The following NEIL2 variants were observed in gnomAD, a reference collection of about 807,000 sequenced individuals.
NEIL2 encodes the protein endonuclease 8-like 2.
NEIL2 carries 23 observed loss-of-function variants against 22.2 expected under a neutral mutation model. The ratio of observed to expected loss-of-function variants is 1.04; its 90% CI spans 0.75 to 1.47. The LOEUF (loss-of-function observed/expected upper bound fraction) is 1.47, where lower values mean the gene tolerates loss of function less well. NEIL2 is among the 40% of genes most tolerant of loss of function. The pLI is 0.00. For synonymous variants in NEIL2, 229 were observed against 164.8 expected, an observed-to-expected ratio of 1.39 and a Z score of -2.99; for missense variants, 583 against 404.7, an observed-to-expected ratio of 1.44 and a Z score of -3.78.
Position 11,779,921 on chromosome 8 carries a change from G to C in NEIL2, c.462G>C (p.Lys154Asn), listed in dbSNP as rs548048744. The C allele has an allele frequency of 6.5e-5, 105 of 1,614,038 alleles. No homozygotes were observed. In the South Asian group the frequency reaches 1.2e-3, roughly 18 times the overall value. The change falls in exon 3 of 5, where the codon AAG becomes AAC. Residue 154 changes from lysine to asparagine, a missense_variant. Coordinates refer to ENST00000284503, the MANE Select transcript of NEIL2 (RefSeq NM_145043.4). ...TCTCCAGAGCCAAGAAAGCCAACAA[G>C]AGGGGGGACTGGAGGGACCCTTCCC... ...NDFSRAKKAN[K>N]RGDWRDPSPR...
intron 3 of NEIL2, chr8:11,782,975 T>C (rs577504135): frequency 1.6e-6 from 1 of 608,748 alleles, no homozygotes; most frequent in Non-Finnish European, 3.1e-6. Flanking sequence ...GTGGTAATGA[T>C]GTGGGGATGT....
chr8:11,770,699 C>T (rs1267401983), intron 1 of NEIL2, among the ~76,000 whole-genome samples: 1 of 152,116 alleles, frequency 6.6e-6, no homozygotes, highest in East Asian at 1.9e-4. Context: ...CTCCTCTGCC[C>T]GAACAGCCCG....
chr8:11,774,837 C>T (rs1803770784), intron 2 of NEIL2, among the ~76,000 whole-genome samples: 1 of 152,232 alleles, frequency 6.6e-6, no homozygotes, highest in Non-Finnish European at 1.5e-5. Flanking sequence ...CTTAAAGCTC[C>T]AAAATGATCT....
chr8:11,786,486 C>T lies in NEIL2; in HGVS notation c.*213C>T. 2 of 600,852 alleles carry T rather than the reference C, an allele frequency of 3.3e-6. No individual in the cohort carries two copies. Among genetic ancestry groups the T allele is most frequent in the South Asian group, 3.9e-5 (2 of 50,702 alleles). The allele number at this position is 600,852 out of a possible 1,614,324, so 37.2% of individuals were successfully genotyped here. ...CCTTTTCTAGTTCAGTTAATTCATCCTGTTGAATTGCACCATCGTGAAAGA... is the reference window on the plus strand; with the variant it reads ...CCTTTTCTAGTTCAGTTAATTCATCTTGTTGAATTGCACCATCGTGAAAGA... On this transcript the variant is annotated 3_prime_UTR_variant, in exon 5 of 5. Transcript: ENST00000284503.
intron 2 of NEIL2, among the ~76,000 whole-genome samples, chr8:11,772,269 C>T (rs890981894): frequency 3.3e-5 from 5 of 152,170 alleles, no homozygotes; most frequent in Non-Finnish European, 7.3e-5. Flanking sequence ...CTTCCAGGGG[C>T]TCACGGAGCT....
chr8:11,785,750 C>T (rs1305538056), intron 4 of NEIL2, among the ~76,000 whole-genome samples: 1 of 152,166 alleles, frequency 6.6e-6, no homozygotes, highest in Non-Finnish European at 1.5e-5. Flanking sequence ...CATGACGGGC[C>T]ATGCATGAGT....
chr8:11,785,877 T>G, intron 4 of NEIL2, 86 bp from the exon 5 acceptor site: 1 of 1,246,788 alleles, frequency 8.0e-7, no homozygotes, highest in Non-Finnish European at 1.2e-6. Flanking sequence ...ATGGAAGAGC[T>G]GATTTCTGCC....
chr8:11,771,564 T>C lies in NEIL2; in HGVS notation c.117T>C (p.Ser39=). 1 of 1,614,058 alleles carries C rather than the reference T, an allele frequency of 6.2e-7. No individual in the cohort carries two copies. The highest frequency in any genetic ancestry group is 8.5e-7 in the Non-Finnish European group (1 of 1,179,986). Residue 39 remains serine, a synonymous_variant, in exon 2 of 5, where the codon TCT becomes TCC. Transcript: ENST00000284503. ...SKKLQPASLQ[S]LWLQDTQVHG... is the part of the protein sequence containing the mutation. Reference sequence around the variant, plus strand: ...AGCTACAGCCCGCCAGCCTGCAGTCTCTGTGGCTCCAGGACACCCAGGTGA... The same window carrying C: ...AGCTACAGCCCGCCAGCCTGCAGTCCCTGTGGCTCCAGGACACCCAGGTGA...
intron 1 of NEIL2, among the ~76,000 whole-genome samples, chr8:11,770,863 C>G: frequency 6.6e-6 from 1 of 152,144 alleles, no homozygotes; most frequent in East Asian, 1.9e-4. Flanking sequence ...CTGTCTGTAG[C>G]TATGCCGGGC....
chr8:11,779,500 G>T, intron 2 of NEIL2, 98 bp from the exon 3 acceptor site: 1 of 990,122 alleles, frequency 1.0e-6, no homozygotes, highest in Non-Finnish European at 1.6e-6. Context: ...CCCCCAGGAG[G>T]GGTGAGAAGG....
chr8:11,785,816 G>A, intron 4 of NEIL2, 147 bp from the exon 5 acceptor site: 2 of 775,710 alleles, frequency 2.6e-6, no homozygotes, highest in East Asian at 2.4e-5. Flanking sequence ...CCATTTTACA[G>A]ACAGAGAAAT....
intron 2 of NEIL2, 108 bp downstream of exon 2, chr8:11,771,693 C>T: frequency 8.8e-7 from 1 of 1,134,498 alleles, no homozygotes; most frequent in Middle Eastern, 2.1e-4. Flanking sequence ...CCGGAACCAC[C>T]AAGCTCGGAC....
Position 11,769,926 on chromosome 8 carries a change from C to G in NEIL2, c.-412C>G, listed in dbSNP as rs903927228. The stretch of plus-strand genomic sequence containing the variant: ...GAGGTGCTGCCCACGCCTGGAGGCC[C>G]CCACTGACCCTCAGACCCGCGTCTG... On this transcript the variant is annotated 5_prime_UTR_variant, in exon 1 of 5. Coordinates refer to ENST00000284503, the MANE Select transcript of NEIL2 (RefSeq NM_145043.4). 1 of 152,380 alleles carries G rather than the reference C, an allele frequency of 6.6e-6. No individual in the cohort carries two copies. Among genetic ancestry groups the G allele is most frequent in the Non-Finnish European group, 1.5e-5 (1 of 68,196 alleles). The allele number at this position is 152,380 out of a possible 1,614,324, so 9.4% of individuals were successfully genotyped here.
intron 2 of NEIL2, among the ~76,000 whole-genome samples, chr8:11,775,951 C>A (rs1353653528): frequency 6.6e-6 from 1 of 152,234 alleles, no homozygotes; most frequent in Non-Finnish European, 1.5e-5. Context: ...TCTGAGCCCT[C>A]CAGACTGTTT....
rs576739654 is a variant in NEIL2 at position 11,786,798 on chromosome 8, C to T, written c.*525C>T. 4 of 164,090 alleles carry T rather than the reference C, an allele frequency of 2.4e-5. No individual in the cohort carries two copies. The highest frequency in any genetic ancestry group is 1.6e-4 in the South Asian group (1 of 6,306). The allele number at this position is 164,090 out of a possible 1,614,324, so 10.2% of individuals were successfully genotyped here. A position where few individuals can be genotyped will look rare whatever the true frequency, so the allele number is the denominator to read the frequency against. ...GACTACAGGCATGTGATATGATGCT[C>T]GGCTGATTTTTGTTTACTTTTTAGA... On this transcript the variant is annotated 3_prime_UTR_variant, in exon 5 of 5. Transcript: ENST00000284503.
intron 3 of NEIL2, among the ~76,000 whole-genome samples, chr8:11,780,308 T>G (rs1804296224): frequency 6.6e-6 from 1 of 152,220 alleles, no homozygotes; most frequent in African/African-American, 2.4e-5. Context: ...GTATATTGTT[T>G]GTGTGTTTAT....
chr8:11,779,825 C>A lies in NEIL2; in HGVS notation c.366C>A (p.Ala122=), dbSNP rs1219573112. Residue 122 remains alanine, a synonymous_variant, in exon 3 of 5, where the codon GCC becomes GCA. Transcript: ENST00000284503. ...ATTCTGAGTATTTGGAGAGAGACGCCCCTGCAGGAGATGCTGGGAGGTGGC... is the reference window on the plus strand; with the variant it reads ...ATTCTGAGTATTTGGAGAGAGACGCACCTGCAGGAGATGCTGGGAGGTGGC... ...EDDSEYLERD[A]PAGDAGRWLR... 1.9e-6 allele frequency: 3 copies of A among 1,614,126 alleles called. No individual in the cohort carries two copies. The highest frequency in any genetic ancestry group is 3.3e-5 in the Admixed American group (2 of 60,010).
At chr8:11,778,416 G>A (rs1030197189) in intron 2 of NEIL2, among the ~76,000 whole-genome samples, 1 of 151,900 alleles carries the variant, frequency 6.6e-6, no homozygotes, top group African/African-American at 2.4e-5. Context: ...GCTCTTTTGG[G>A]TGGAGGACTT....
At position 11,774,463 on chromosome 8, in the gene NEIL2, G is replaced by C. The variant is rs187228618; in HGVS notation, c.138+2878G>C. ...CCCATGATTCAATTACCTCCCACTG[G>C]GTACCTCCCACCAGGTCCGTCCCAT... On this transcript the variant is annotated intron_variant, in intron 2 of 4. Transcript: ENST00000284503. Among the ~76,000 whole-genome samples, 384 of 152,134 alleles carry C rather than the reference G, an allele frequency of 2.5e-3. 1 individual carries two copies. Among genetic ancestry groups the C allele is most frequent in the Non-Finnish European group, 4.1e-3 (279 of 67,998 alleles).
Sources: gnomAD v4.1 joint callset for allele counts (sites outside exome capture counted in the v4.1 genomes callset) on GRCh38, gnomAD v4.1.1 for gene constraint, MANE v1.5 for transcripts, NCBI Gene and HGNC (gene_info 2026-07-23, HGNC 2026-07-21) for gene names.